Variants in LSAMP observed in about 807,000 individuals in gnomAD.
LSAMP encodes limbic system-associated membrane protein.
A neutral mutation model predicts 38.6 loss-of-function variants in LSAMP; 7 were observed. The observed-to-expected ratio is 0.18, with a 90% CI of 0.10 to 0.34. LSAMP has a LOEUF of 0.34. LSAMP is among the 10% of genes least tolerant of loss of function. The pLI is 1.00. For synonymous variants in LSAMP, 154 were observed against 166.8 expected (o/e 0.92, Z 0.59); for missense variants, 313 against 420.0 (o/e 0.75, Z 2.23).
chr3:115,989,716 T>C (rs754183716), intron 3 of LSAMP, among the ~76,000 whole-genome samples: 4 of 152,110 alleles, frequency 2.6e-5, no homozygotes, highest in Non-Finnish European at 4.4e-5. Flanking sequence ...TTTTTGGTAA[T>C]GTACTTAGTC....
chr3:116,404,609 C>T (rs1256376978), intron 1 of LSAMP, among the ~76,000 whole-genome samples: 1 of 152,102 alleles, frequency 6.6e-6, no homozygotes, highest in East Asian at 1.9e-4. Context: ...ATTATTATTA[C>T]AATGATAATG....
chr3:115,918,936 C>A (rs1396563591), intron 3 of LSAMP, among the ~76,000 whole-genome samples: 1 of 152,054 alleles, frequency 6.6e-6, no homozygotes, highest in Non-Finnish European at 1.5e-5. Flanking sequence ...TAAATGATTG[C>A]CTGAGGCTAC....
chr3:116,033,928 T>G (rs772770887), intron 2 of LSAMP, among the ~76,000 whole-genome samples: 2 of 152,032 alleles, frequency 1.3e-5, no homozygotes, highest in Non-Finnish European at 2.9e-5. Flanking sequence ...CAGCTCTATA[T>G]TTGGTACTGC....
At chr3:116,195,741 A>G (rs1483712891) in intron 1 of LSAMP, among the ~76,000 whole-genome samples, 2 of 151,308 alleles carry the variant, frequency 1.3e-5, no homozygotes, top group East Asian at 3.9e-4. Context: ...CATTTAAAGG[A>G]AAAGTCTCTT....
At chr3:115,887,615 A>G (rs985335486) in intron 3 of LSAMP, among the ~76,000 whole-genome samples, 3 of 151,960 alleles carry the variant, frequency 2.0e-5, no homozygotes, top group Non-Finnish European at 4.4e-5. Flanking sequence ...GGGTACAGAG[A>G]TAAGATGTGG....
intron 1 of LSAMP, among the ~76,000 whole-genome samples, chr3:116,178,675 AAGAAAC>A (rs1710411804): frequency 6.6e-6 from 1 of 152,180 alleles, no homozygotes; most frequent in African/African-American, 2.4e-5. Flanking sequence ...CTACCAAACA[AAGAAAC>A]AGATTCTTGT....
At chr3:116,024,645 A>G (rs190307263) in intron 2 of LSAMP, among the ~76,000 whole-genome samples, 1 of 152,274 alleles carries the variant, frequency 6.6e-6, no homozygotes, top group Admixed American at 6.5e-5. Flanking sequence ...TTCTTAGTGT[A>G]ATAGTTTAGT....
intron 1 of LSAMP, among the ~76,000 whole-genome samples, chr3:116,399,932 G>C (rs2048816847): frequency 6.6e-6 from 1 of 152,142 alleles, no homozygotes; most frequent in Non-Finnish European, 1.5e-5. Context: ...TCTGAGCTTG[G>C]TGGCCAGAAG....
At chr3:115,910,607 A>G (rs1937113152) in intron 3 of LSAMP, among the ~76,000 whole-genome samples, 2 of 152,176 alleles carry the variant, frequency 1.3e-5, no homozygotes, top group African/African-American at 4.8e-5. Flanking sequence ...TAAAAAGCAT[A>G]TATTGAGCTT....
intron 2 of LSAMP, among the ~76,000 whole-genome samples, chr3:116,021,440 C>A (rs749726870): frequency 6.6e-6 from 1 of 151,940 alleles, no homozygotes; most frequent in Non-Finnish European, 1.5e-5. Context: ...TTCGAGTTCA[C>A]AGTTACTAAT....
chr3:116,095,735 A>G (rs989285937), intron 1 of LSAMP, among the ~76,000 whole-genome samples: 1 of 152,222 alleles, frequency 6.6e-6, no homozygotes, highest in Non-Finnish European at 1.5e-5. Context: ...TTTATTAGTG[A>G]TTGGAAAGAG....
chr3:116,003,928 C>T (rs2030632817), intron 3 of LSAMP, among the ~76,000 whole-genome samples: 2 of 152,116 alleles, frequency 1.3e-5, no homozygotes, highest in Non-Finnish European at 1.5e-5. Context: ...TGTTTTAAGC[C>T]ATGCACGTTT....
intron 1 of LSAMP, among the ~76,000 whole-genome samples, chr3:116,387,505 C>G (rs1391201046): frequency 6.6e-6 from 1 of 152,034 alleles, no homozygotes; most frequent in Non-Finnish European, 1.5e-5. Context: ...ATATGTGCAA[C>G]TATGTATCAA....
At chr3:116,031,482 G>T (rs1940919831) in intron 2 of LSAMP, among the ~76,000 whole-genome samples, 1 of 140,662 alleles carries the variant, frequency 7.1e-6, no homozygotes. Flanking sequence ...TAACTCTGGT[G>T]CTTGTAAGGA....
intron 1 of LSAMP, among the ~76,000 whole-genome samples, chr3:116,110,790 G>A (rs1708591784): frequency 6.6e-6 from 1 of 152,184 alleles, no homozygotes; most frequent in Non-Finnish European, 1.5e-5. Context: ...TCCGAGTCAT[G>A]GCACCAAATT....
At chr3:116,108,174 A>G (rs570779729) in intron 1 of LSAMP, among the ~76,000 whole-genome samples, 51 of 152,126 alleles carry the variant, frequency 3.4e-4, no homozygotes, top group African/African-American at 1.1e-3. Context: ...AAGGTGGGGG[A>G]ATACAAGAGG....
chr3:115,821,301 G>A (rs1408161149), intron 6 of LSAMP, among the ~76,000 whole-genome samples: 2 of 152,160 alleles, frequency 1.3e-5, no homozygotes, highest in African/African-American at 2.4e-5. Context: ...CTTTCTTTGA[G>A]TTATATCTGG....
intron 1 of LSAMP, among the ~76,000 whole-genome samples, chr3:116,108,285 C>T (rs1050246314): frequency 6.6e-5 from 10 of 151,420 alleles, no homozygotes; most frequent in Admixed American, 2.6e-4. Context: ...TAAAGTATCT[C>T]GGCCTAATAA....
At chr3:116,025,228 T>C (rs1196618254) in intron 2 of LSAMP, among the ~76,000 whole-genome samples, 2 of 152,148 alleles carry the variant, frequency 1.3e-5, no homozygotes, top group African/African-American at 4.8e-5. Context: ...TTTTCCTATA[T>C]ATAATGCCAT....
Sources: allele counts gnomAD v4.1 joint callset (sites outside exome capture counted in the v4.1 genomes callset), GRCh38; gene constraint gnomAD v4.1.1; transcripts MANE v1.5; gene names NCBI Gene and HGNC (gene_info 2026-07-23, HGNC 2026-07-21).